Variants in ACOT7 observed in about 807,000 individuals in gnomAD.
ACOT7 encodes the protein acyl-CoA thioesterase 7, also known as cytosolic acyl coenzyme A thioester hydrolase.
ACOT7 carries 12 observed loss-of-function variants against 40.2 expected under a neutral mutation model. The ratio of observed to expected loss-of-function variants is 0.30; its 90% CI spans 0.19 to 0.48. The LOEUF is 0.48. Among genes scored for constraint, ACOT7 ranks in the 20% least tolerant of loss-of-function variants. ACOT7 has a pLI of 0.99. For missense variants in ACOT7, 395 were observed against 530.8 expected (o/e 0.74, Z 2.51); for synonymous variants, 228 against 219.5 (o/e 1.04, Z -0.34).
Position 6,311,741 on chromosome 1 carries a change from A to G in ACOT7, c.712+6751T>C, listed in dbSNP as rs536011291. On this transcript the variant is annotated intron_variant, in intron 6 of 8. Transcript: ENST00000361521. This position sits in a 1 kb window ranked among gnomAD's most constrained non-coding sequence, Gnocchi z 5.2. ...GAAACTTGCTGAGAAGAAGGGAAAC[A>G]CACTCATGGACACACGAGTCCAGGA... 3.3e-5 allele frequency among the ~76,000 whole-genome samples: 5 copies of G among 152,288 alleles called. No individual in the cohort carries two copies. Among genetic ancestry groups the G allele is most frequent in the African/African-American group, 1.2e-4 (5 of 41,572 alleles).
intron 8 of ACOT7, among the ~76,000 whole-genome samples, chr1:6,270,125 C>T (rs1293050443): frequency 6.6e-6 from 1 of 152,222 alleles, no homozygotes; most frequent in Non-Finnish European, 1.5e-5. Context: ...AGTTCTCCTA[C>T]CCAAGTGACA....
At chr1:6,356,801 C>A (rs970120432) in intron 1 of ACOT7, among the ~76,000 whole-genome samples, 2 of 151,944 alleles carry the variant, frequency 1.3e-5, no homozygotes, top group African/African-American at 4.8e-5. Context: ...CTCCTATAAT[C>A]CCAGCTACTT....
chr1:6,266,072 G>A (rs1056432714), intron 8 of ACOT7, among the ~76,000 whole-genome samples: 2 of 152,160 alleles, frequency 1.3e-5, no homozygotes, highest in African/African-American at 4.8e-5. Context: ...TCCTTGCAGC[G>A]GTCCTGGTCC....
chr1:6,385,871 G>A, intron 1 of ACOT7: 9 of 1,379,936 alleles, frequency 6.5e-6, no homozygotes, highest in Non-Finnish European at 6.6e-6. Flanking sequence ...CTGGATCACA[G>A]GATGTTCTCT....
chr1:6,265,931 G>A (rs1022778435), intron 8 of ACOT7, among the ~76,000 whole-genome samples: 3 of 152,202 alleles, frequency 2.0e-5, no homozygotes, highest in Non-Finnish European at 4.4e-5. Flanking sequence ...GTAATGTCAA[G>A]TTATACCAAA....
intron 1 of ACOT7, among the ~76,000 whole-genome samples, chr1:6,389,774 CAA>C (rs33955440): frequency 3.8e-4 from 35 of 91,048 alleles, no homozygotes; most frequent in Admixed American, 6.4e-4. Context: ...GACTCCCTCT[CAA>C]AAAAAAAAAA....
At chr1:6,333,600 C>A (rs576799939) in intron 3 of ACOT7, 32 bp from the exon 4 acceptor site, 2 of 1,609,770 alleles carry the variant, frequency 1.2e-6, no homozygotes, top group Non-Finnish European at 1.7e-6. Context: ...TAAGTGACGC[C>A]CGGGAGACGG....
intron 2 of ACOT7, among the ~76,000 whole-genome samples, chr1:6,346,126 G>A (rs1196539995): frequency 6.6e-6 from 1 of 152,172 alleles, no homozygotes; most frequent in East Asian, 1.9e-4. Flanking sequence ...GTAGAAACAG[G>A]GTCTCACTCT....
chr1:6,322,199 C>T (rs1640665212), intron 5 of ACOT7, among the ~76,000 whole-genome samples: 1 of 141,252 alleles, frequency 7.1e-6, no homozygotes, highest in Non-Finnish European at 1.5e-5. Context: ...ACGCCAGCTC[C>T]CAGAGGGGCC....
chr1:6,314,030 A>G (rs893766898), intron 6 of ACOT7, among the ~76,000 whole-genome samples: 3 of 152,222 alleles, frequency 2.0e-5, no homozygotes, highest in African/African-American at 7.2e-5. Flanking sequence ...GAGCAGGCAC[A>G]GAATGAGCAA....
At chr1:6,339,387 C>G in intron 3 of ACOT7, 46 bp downstream of exon 3, 1 of 1,610,634 alleles carries the variant, frequency 6.2e-7, no homozygotes, top group Non-Finnish European at 8.5e-7. Context: ...AGCTGTGTAG[C>G]CACGGCCCTT....
intron 6 of ACOT7, among the ~76,000 whole-genome samples, chr1:6,303,034 AC>A (rs3838285): frequency 0.086 from 13,104 of 152,182 alleles, 975 homozygotes; most frequent in African/African-American, 0.19. Context: ...AGAGGGAGCC[AC>A]CCCGCTTCTG....
intron 1 of ACOT7, among the ~76,000 whole-genome samples, chr1:6,369,228 A>G (rs1642079387): frequency 6.6e-6 from 1 of 151,864 alleles, no homozygotes; most frequent in African/African-American, 2.4e-5. Flanking sequence ...TGATCCACCC[A>G]CTTTGACCTC....
At chr1:6,375,218 G>A (rs898372316) in intron 1 of ACOT7, among the ~76,000 whole-genome samples, 17 of 148,380 alleles carry the variant, frequency 1.1e-4, no homozygotes, top group Admixed American at 8.7e-4. Flanking sequence ...AGCCAAGATC[G>A]CGCCACTGCA....
chr1:6,328,711 A>G lies in ACOT7; in HGVS notation c.511-1298T>C, dbSNP rs370664338. ...AATAAATAAATAAATAAAAAACACC[A>G]ACAACTCAGCACAAAAGCCAAAGCT... On this transcript the variant is annotated intron_variant, in intron 4 of 8. Coordinates refer to ENST00000361521, the MANE Select transcript of ACOT7 (RefSeq NM_007274.4). Among the ~76,000 whole-genome samples the G allele has an allele frequency of 1.1e-3, 173 of 152,266 alleles. 1 individual carries two copies. Among genetic ancestry groups the G allele is most frequent in the African/African-American group, 3.9e-3 (163 of 41,548 alleles).
At chr1:6,304,998 G>A (rs1640089841) in intron 6 of ACOT7, among the ~76,000 whole-genome samples, 1 of 150,106 alleles carries the variant, frequency 6.7e-6, no homozygotes, top group Non-Finnish European at 1.5e-5. Flanking sequence ...TCACCTCCCG[G>A]ACGGGGCGGC....
intron 3 of ACOT7, among the ~76,000 whole-genome samples, chr1:6,335,417 C>T (rs1641074345): frequency 6.6e-6 from 1 of 151,860 alleles, no homozygotes; most frequent in African/African-American, 2.4e-5. Flanking sequence ...CGCTTGAGCC[C>T]GGAAGGCAGA....
chr1:6,350,829 T>C (rs1171827021), intron 1 of ACOT7, among the ~76,000 whole-genome samples: 1 of 152,140 alleles, frequency 6.6e-6, no homozygotes, highest in East Asian at 1.9e-4. Context: ...AGCAAGTCAC[T>C]CTCCAAGAGC....
intron 1 of ACOT7, among the ~76,000 whole-genome samples, chr1:6,383,630 G>A (rs1003110114): frequency 6.6e-6 from 1 of 151,026 alleles, no homozygotes; most frequent in Non-Finnish European, 1.5e-5. Flanking sequence ...CAACTTCCTG[G>A]GTTCAAGCAA....
Sources: gnomAD v4.1 joint callset for allele counts (sites outside exome capture counted in the v4.1 genomes callset) on GRCh38, gnomAD v4.1.1 for gene constraint, Gnocchi (gnomAD v3.1) non-coding constraint, MANE v1.5 for transcripts, NCBI Gene and HGNC (gene_info 2026-07-23, HGNC 2026-07-21) for gene names.